Variants in ARFIP1 observed in about 807,000 individuals in gnomAD.
ARFIP1 encodes the protein ARF interacting protein 1, also known as arfaptin-1.
Under a neutral mutation model 42.5 loss-of-function variants are expected in ARFIP1, and 24 were observed. The observed-to-expected ratio is 0.57, with a 90% CI of 0.41 to 0.80. The LOEUF (loss-of-function observed/expected upper bound fraction) is 0.80. Ranked by LOEUF, ARFIP1 falls within the 30% of genes least tolerant of loss-of-function variation. The pLI is 0.00. For synonymous variants in ARFIP1, 141 were observed against 153.7 expected (o/e 0.92, Z 0.61); for missense variants, 354 against 434.0 (o/e 0.82, Z 1.64).
At chr4:152,817,905 A>G (rs1229495599) in intron 1 of ARFIP1, among the ~76,000 whole-genome samples, 1 of 152,204 alleles carries the variant, frequency 6.6e-6, no homozygotes. Flanking sequence ...CTACAATGAG[A>G]TATCACTGTA....
At chr4:152,878,450 T>C (rs1054670226) in intron 5 of ARFIP1, among the ~76,000 whole-genome samples, 2 of 152,206 alleles carry the variant, frequency 1.3e-5, no homozygotes, top group East Asian at 1.9e-4. Context: ...AGTTGGGAAA[T>C]TGGTGGCAAC....
chr4:152,866,157 C>T (rs1281615605), intron 3 of ARFIP1, among the ~76,000 whole-genome samples: 2 of 152,108 alleles, frequency 1.3e-5, no homozygotes, highest in Non-Finnish European at 2.9e-5. Context: ...GTGGACACAG[C>T]ACATGTTTCA....
At chr4:152,839,302 A>G (rs1731880774) in intron 2 of ARFIP1, among the ~76,000 whole-genome samples, 1 of 152,138 alleles carries the variant, frequency 6.6e-6, no homozygotes, top group Non-Finnish European at 1.5e-5. Context: ...CATAAAATGA[A>G]TTAGGGAGGG....
intron 2 of ARFIP1, among the ~76,000 whole-genome samples, chr4:152,856,124 C>T (rs1313693155): frequency 6.6e-6 from 1 of 152,170 alleles, no homozygotes; most frequent in Non-Finnish European, 1.5e-5. Flanking sequence ...ATCTCTATAA[C>T]TGCTTGAAAA....
chr4:152,864,405 G>A (rs1734147570), intron 3 of ARFIP1, among the ~76,000 whole-genome samples: 1 of 152,216 alleles, frequency 6.6e-6, no homozygotes, highest in Admixed American at 6.5e-5. Context: ...TTATTGTAAT[G>A]AGAGTAGCAA....
chr4:152,902,972 G>A (rs1737972899), intron 8 of ARFIP1, among the ~76,000 whole-genome samples: 1 of 152,144 alleles, frequency 6.6e-6, no homozygotes, highest in African/African-American at 2.4e-5. Flanking sequence ...TATAGTAACA[G>A]CATGATTCTC....
At chr4:152,884,058 C>G (rs537117197) in intron 7 of ARFIP1, among the ~76,000 whole-genome samples, 1 of 151,784 alleles carries the variant, frequency 6.6e-6, no homozygotes, top group South Asian at 2.1e-4. Flanking sequence ...AGTAAAAGCC[C>G]AAATCATTTT....
intron 1 of ARFIP1, among the ~76,000 whole-genome samples, chr4:152,801,440 T>G (rs1401020517): frequency 6.6e-6 from 1 of 152,140 alleles, no homozygotes; most frequent in African/African-American, 2.4e-5. Flanking sequence ...GAAAGGAATG[T>G]GGTTCAAGAT....
At chr4:152,845,143 AAATG>A (rs1732430714) in intron 2 of ARFIP1, among the ~76,000 whole-genome samples, 2 of 152,244 alleles carry the variant, frequency 1.3e-5, no homozygotes, top group African/African-American at 4.8e-5. Context: ...GTGATGGAAT[AAATG>A]GATAATCATG....
intron 1 of ARFIP1, among the ~76,000 whole-genome samples, chr4:152,784,702 A>G (rs1337084969): frequency 6.6e-6 from 1 of 152,266 alleles, no homozygotes; most frequent in East Asian, 1.9e-4. Context: ...AACTTTGGGT[A>G]TTTGGAAAAA....
intron 2 of ARFIP1, among the ~76,000 whole-genome samples, chr4:152,847,121 G>GTTT (rs1561139273): frequency 4.2e-5 from 2 of 48,180 alleles, no homozygotes; most frequent in African/African-American, 1.6e-4. Context: ...TTTTAGGTTT[G>GTTT]TTCTTTTTTT....
rs189164257 is a variant in ARFIP1, at chr4:152,896,252, G to C, written c.966+7945G>C. Among the ~76,000 whole-genome samples the C allele has an allele frequency of 6.6e-5, 10 of 152,272 alleles. No homozygotes were observed. The East Asian group carries it at 1.9e-3, about 29-fold the overall frequency. ...GGGAGAAATAGCACTGGATGAAGCT[G>C]GAGAGGTAGTTTAGGGCCTACACAA... On this transcript the variant is annotated intron_variant, in intron 8 of 8. Coordinates refer to ENST00000353617, the MANE Select transcript of ARFIP1 (RefSeq NM_001025595.3).
intron 1 of ARFIP1, among the ~76,000 whole-genome samples, chr4:152,818,310 GAC>G: frequency 6.6e-6 from 1 of 152,316 alleles, no homozygotes; most frequent in Admixed American, 6.5e-5. Context: ...CAGCTGCCGT[GAC>G]ACACACTCCC....
rs1195906403 is a variant in ARFIP1, at chr4:152,841,775, T to C, written c.93+12049T>C. On this transcript the variant is annotated intron_variant, in intron 2 of 8. Coordinates refer to ENST00000353617, the MANE Select transcript of ARFIP1 (RefSeq NM_001025595.3). The stretch of plus-strand genomic sequence containing the variant: ...GAAATCTGCTGTTGATCTGATAGGT[T>C]TTCCTTTATAGGTAACCTTGTGCTT... Among the ~76,000 whole-genome samples, 5 of 152,278 alleles carry C rather than the reference T, an allele frequency of 3.3e-5. No homozygotes were observed. The East Asian group carries it at 7.7e-4, about 24-fold the overall frequency.
At chr4:152,837,713 TC>T (rs1164835320) in intron 2 of ARFIP1, among the ~76,000 whole-genome samples, 1 of 152,242 alleles carries the variant, frequency 6.6e-6, no homozygotes. Context: ...GAAGATTTTG[TC>T]CCACTCTGTG....
chr4:152,811,922 A>G (rs1387238502), intron 1 of ARFIP1, among the ~76,000 whole-genome samples: 1 of 152,190 alleles, frequency 6.6e-6, no homozygotes, highest in Non-Finnish European at 1.5e-5. Context: ...TTCCCCCAAA[A>G]TGGGTCATTC....
intron 2 of ARFIP1, among the ~76,000 whole-genome samples, chr4:152,847,109 G>A (rs1431102141): frequency 7.9e-5 from 6 of 75,786 alleles, no homozygotes; most frequent in African/African-American, 2.9e-4. Flanking sequence ...GTATGTTAAT[G>A]TTTTTAGGTT....
At chr4:152,792,832 A>G (rs991942185) in intron 1 of ARFIP1, among the ~76,000 whole-genome samples, 5 of 152,224 alleles carry the variant, frequency 3.3e-5, no homozygotes, top group Admixed American at 6.5e-5. Context: ...TGATTTTTAT[A>G]GTAAAATCAA....
intron 3 of ARFIP1, among the ~76,000 whole-genome samples, chr4:152,864,046 A>G (rs900517070): frequency 5.3e-5 from 8 of 152,372 alleles, no homozygotes; most frequent in Middle Eastern, 6.8e-3. Flanking sequence ...GTTGATTTTT[A>G]TAAATACATA....
Sources: allele counts gnomAD v4.1 joint callset (sites outside exome capture counted in the v4.1 genomes callset), GRCh38; gene constraint gnomAD v4.1.1; transcripts MANE v1.5; gene names NCBI Gene and HGNC (gene_info 2026-07-23, HGNC 2026-07-21).